The following ABCG2 variants were observed in gnomAD, a reference collection of about 807,000 sequenced individuals.
ABCG2 encodes ATP binding cassette subfamily G member 2 (JR blood group).
Under a neutral mutation model 73.5 loss-of-function variants are expected in ABCG2, and 80 were observed. The ratio of observed to expected loss-of-function variants is 1.09; its 90% CI spans 0.91 to 1.31. The LOEUF is 1.31. ABCG2 is among the 50% of genes most tolerant of loss of function. The pLI is 0.00. For synonymous variants in ABCG2, 269 were observed against 282.4 expected, an observed-to-expected ratio of 0.95 and a Z score of 0.48; for missense variants, 796 against 786.2, an observed-to-expected ratio of 1.01 and a Z score of -0.15.
chr4:88,157,503 G>A (rs920272544), intron 1 of ABCG2, among the ~76,000 whole-genome samples: 1 of 151,914 alleles, frequency 6.6e-6, no homozygotes, highest in African/African-American at 2.4e-5. Context: ...TGATATTATG[G>A]GAACTCTCTG....
chr4:88,231,281 G>A (rs1388783425), exon 1 of ABCG2: 1 of 152,192 alleles, frequency 6.6e-6, no homozygotes, highest in Non-Finnish European at 1.5e-5. Context: ...AATGTCCCGA[G>A]TGAAATTAAC....
intron 12 of ABCG2, 88 bp from the exon 13 acceptor site, chr4:88,097,695 A>G: frequency 1.4e-6 from 2 of 1,381,000 alleles, no homozygotes; most frequent in Non-Finnish European, 2.0e-6. Flanking sequence ...TAACACTAAT[A>G]TTTTGAGAAA....
rs745653006 is a variant in ABCG2, at chr4:88,118,259, T to A, written c.691A>T (p.Met231Leu). 6.2e-7 allele frequency: 1 copy of A among 1,613,714 alleles called. No homozygotes were observed. The highest frequency in any genetic ancestry group is 8.5e-7 in the Non-Finnish European group (1 of 1,179,778). ...ANAVLLLLKR[M>L]SKQGRTIIFS... is the part of the protein sequence containing the mutation. Reference sequence around the variant, plus strand: ...ATGATTGTTCGTCCCTGCTTAGACATCCTAAGTTAAAAGTGAGACAATACT... The same window carrying A: ...ATGATTGTTCGTCCCTGCTTAGACAACCTAAGTTAAAAGTGAGACAATACT... Residue 231 changes from methionine to leucine, a missense_variant and splice_region_variant, in exon 7 of 16, where the codon ATG (methionine) becomes TTG (leucine). Met to Leu is a conservative substitution (Grantham distance 15). Transcript: ENST00000237612.
At chr4:88,213,299 T>C (rs1729674412) in intron 1 of ABCG2, among the ~76,000 whole-genome samples, 1 of 152,210 alleles carries the variant, frequency 6.6e-6, no homozygotes, top group Admixed American at 6.5e-5. Flanking sequence ...CCATTCACTC[T>C]TCTGTTTCCT....
chr4:88,110,287 A>G (rs1261538438), intron 9 of ABCG2, among the ~76,000 whole-genome samples: 2 of 152,020 alleles, frequency 1.3e-5, no homozygotes, highest in African/African-American at 4.8e-5. Context: ...CACATCTGTA[A>G]TCCCAGCACT....
chr4:88,196,574 T>G (rs1467485023), intron 1 of ABCG2, among the ~76,000 whole-genome samples: 1 of 152,166 alleles, frequency 6.6e-6, no homozygotes, highest in Non-Finnish European at 1.5e-5. Context: ...GTAAGTTTGC[T>G]TGTGGAAGAA....
intron 1 of ABCG2, among the ~76,000 whole-genome samples, chr4:88,176,644 C>A (rs906230719): frequency 1.9e-4 from 22 of 118,916 alleles, no homozygotes; most frequent in Non-Finnish European, 3.3e-4. Context: ...GCACACCTGG[C>A]TAATTTTTTT....
chr4:88,177,106 C>T (rs541749986), intron 1 of ABCG2, among the ~76,000 whole-genome samples: 35 of 152,168 alleles, frequency 2.3e-4, no homozygotes, highest in Non-Finnish European at 4.9e-4. Flanking sequence ...GGCGCAGTGG[C>T]TCACGCCTGT....
chr4:88,110,469 G>A (rs1466500910), intron 9 of ABCG2, among the ~76,000 whole-genome samples: 2 of 152,092 alleles, frequency 1.3e-5, no homozygotes, highest in Non-Finnish European at 2.9e-5. Flanking sequence ...CTTGAACCCG[G>A]GAGGCGGAGG....
At chr4:88,193,145 T>C (rs986062891) in intron 1 of ABCG2, among the ~76,000 whole-genome samples, 1 of 152,158 alleles carries the variant, frequency 6.6e-6, no homozygotes. Context: ...ACGTACTATA[T>C]ACTGAAGTTT....
intron 9 of ABCG2, among the ~76,000 whole-genome samples, chr4:88,111,791 G>A (rs1723150041): frequency 6.6e-6 from 1 of 152,036 alleles, no homozygotes; most frequent in South Asian, 2.1e-4. Flanking sequence ...TGACAGAGGG[G>A]TTAAGAATAA....
chr4:88,224,402 C>T (rs1730122734), intron 1 of ABCG2, among the ~76,000 whole-genome samples: 1 of 152,134 alleles, frequency 6.6e-6, no homozygotes, highest in African/African-American at 2.4e-5. Context: ...GGTGTCACTG[C>T]ACCCCAGCCT....
chr4:88,200,187 G>A (rs1729102466), intron 1 of ABCG2, among the ~76,000 whole-genome samples: 1 of 151,978 alleles, frequency 6.6e-6, no homozygotes, highest in African/African-American at 2.4e-5. Context: ...TCAGCCAGGT[G>A]TGGTGACGCA....
chr4:88,182,299 C>T (rs1370016040), intron 1 of ABCG2, among the ~76,000 whole-genome samples: 2 of 152,166 alleles, frequency 1.3e-5, no homozygotes, highest in African/African-American at 2.4e-5. Context: ...AATATGATAA[C>T]AGCTGGAGAC....
upstream of ABCG2, among the ~76,000 whole-genome samples, chr4:88,161,934 A>C (rs1339331851): frequency 6.8e-6 from 1 of 147,124 alleles, no homozygotes; most frequent in Non-Finnish European, 1.5e-5. Flanking sequence ...GATGATGAGC[A>C]TTTCTTCATG....
chr4:88,161,441 G>A (rs1232759344), upstream of ABCG2, among the ~76,000 whole-genome samples: 56 of 30,358 alleles, frequency 1.8e-3, no homozygotes, highest in Admixed American at 3.0e-3. Flanking sequence ...TTGTTCTTGC[G>A]ATAGTTTACT....
At chr4:88,113,808 A>G (rs561071676) in intron 8 of ABCG2, among the ~76,000 whole-genome samples, 2 of 151,836 alleles carry the variant, frequency 1.3e-5, no homozygotes, top group South Asian at 4.2e-4. Flanking sequence ...TGAAAATACA[A>G]AAAAAATTAG....
intron 2 of ABCG2, among the ~76,000 whole-genome samples, chr4:88,135,806 C>G (rs1447782967): frequency 6.6e-6 from 1 of 152,050 alleles, no homozygotes; most frequent in Non-Finnish European, 1.5e-5. Context: ...AATGTTTTCA[C>G]CTTTTAAAAA....
chr4:88,215,446 A>G (rs1729774835), intron 1 of ABCG2, among the ~76,000 whole-genome samples: 1 of 152,216 alleles, frequency 6.6e-6, no homozygotes, highest in South Asian at 2.1e-4. Context: ...CTTCTCAGCC[A>G]TTTACTAACT....
Sources: allele counts gnomAD v4.1 joint callset (sites outside exome capture counted in the v4.1 genomes callset), GRCh38; gene constraint gnomAD v4.1.1; transcripts MANE v1.5; gene names NCBI Gene and HGNC (gene_info 2026-07-23, HGNC 2026-07-21).